Variants in IFT122 observed in about 807,000 individuals in gnomAD.
The protein encoded by IFT122 is intraflagellar transport protein 122 homolog.
In IFT122, 118 loss-of-function variants were observed where a neutral mutation model predicts 161.6. The observed-to-expected ratio is 0.73, with a 90% CI of 0.63 to 0.85. The LOEUF is 0.85. Ranked by LOEUF, IFT122 falls within the 40% of genes least tolerant of loss-of-function variation. IFT122 has a pLI of 0.00. For synonymous variants in IFT122, 550 were observed against 602.4 expected (o/e 0.91, Z 1.27); for missense variants, 1,381 against 1,579.6 (o/e 0.87, Z 2.13).
chr3:129,462,974 A>G (rs1430498877), intron 5 of IFT122: 1 of 153,764 alleles, frequency 6.5e-6, no homozygotes, highest in African/African-American at 2.4e-5. Context: ...TGCAGTGTCA[A>G]AGTTATAAAC....
At chr3:129,517,091 G>A (rs1364281871) in intron 26 of IFT122, among the ~76,000 whole-genome samples, 19 of 118,204 alleles carry the variant, frequency 1.6e-4, no homozygotes, top group Non-Finnish European at 2.9e-4. Flanking sequence ...CACAGAGACT[G>A]CCCCTGCACA....
chr3:129,471,839 T>A (rs2077399749), intron 9 of IFT122, among the ~76,000 whole-genome samples: 1 of 152,232 alleles, frequency 6.6e-6, no homozygotes, highest in South Asian at 2.1e-4. Flanking sequence ...TTAGTAATAC[T>A]TAAGGGGATC....
intron 9 of IFT122, among the ~76,000 whole-genome samples, chr3:129,471,307 T>C (rs2077346747): frequency 6.6e-6 from 1 of 152,248 alleles, no homozygotes; most frequent in Admixed American, 6.5e-5. Context: ...AGGGAGCAGA[T>C]AATGAAGTAT....
At chr3:129,503,888 T>C in intron 20 of IFT122, 2 of 276,756 alleles carry the variant, frequency 7.2e-6, no homozygotes, top group South Asian at 7.3e-5. Context: ...TGAGAAGCAG[T>C]CAGTGGGTCC....
At chr3:129,447,308 C>G (rs2074131042) in intron 1 of IFT122, among the ~76,000 whole-genome samples, 1 of 152,044 alleles carries the variant, frequency 6.6e-6, no homozygotes, top group African/African-American at 2.4e-5. Context: ...TGGTTTGATC[C>G]AGAAAGGCAG....
chr3:129,519,727 T>C lies in IFT122; in HGVS notation c.3631T>C (p.Phe1211Leu). The C allele has an allele frequency of 1.9e-6, 3 of 1,613,616 alleles. No individual in the cohort carries two copies. Among genetic ancestry groups the C allele is most frequent in the Non-Finnish European group, 2.5e-6 (3 of 1,180,026 alleles). The change falls in exon 29 of 30, where the codon TTC (phenylalanine) becomes CTC (leucine). Residue 1211 changes from phenylalanine (F) to leucine (L), a missense_variant. Phe to Leu is a conservative substitution (Grantham distance 22). This residue lies in a region of IFT122 where 177 missense variants were observed against 199.2 expected (regional missense o/e 0.89). Coordinates refer to ENST00000348417, the MANE Select transcript of IFT122 (RefSeq NM_052989.3). Reference sequence around the variant, plus strand: ...CTCCATTACCATGTGCCCCTCCTGCTTCCAGGTAGGTGGCCACCCTGGTAG... The same window carrying C: ...CTCCATTACCATGTGCCCCTCCTGCCTCCAGGTAGGTGGCCACCCTGGTAG... ...DASITMCPSC[F>L]QMFHSEDYEL...
intron 3 of IFT122, among the ~76,000 whole-genome samples, chr3:129,453,836 A>G (rs2075138309): frequency 6.7e-6 from 1 of 149,402 alleles, no homozygotes. Flanking sequence ...GTCCCACAGC[A>G]TAGGATTAGT....
At chr3:129,464,501 C>A in intron 6 of IFT122, 134 bp from the exon 7 acceptor site, 1 of 1,015,936 alleles carries the variant, frequency 9.8e-7, no homozygotes, top group Non-Finnish European at 1.6e-6. Flanking sequence ...TCAGGACCGG[C>A]AATAATGAAA....
At chr3:129,484,871 C>T (rs1209147169) in intron 15 of IFT122, among the ~76,000 whole-genome samples, 2 of 152,234 alleles carry the variant, frequency 1.3e-5, no homozygotes, top group East Asian at 1.9e-4. Context: ...TTTCCCCCAA[C>T]GGTAACAGTG....
At chr3:129,473,351 A>G (rs1165638422) in intron 9 of IFT122, among the ~76,000 whole-genome samples, 1 of 152,248 alleles carries the variant, frequency 6.6e-6, no homozygotes, top group Admixed American at 6.5e-5. Context: ...GTCATGGTTC[A>G]GTCTCCATTG....
Position 129,488,402 on chromosome 3 carries a change from G to A in IFT122, c.1992+5G>A. On this transcript the variant is annotated splice_donor_5th_base_variant and intron_variant, in intron 16 of 29. Transcript: ENST00000348417. Reference sequence around the variant, plus strand: ...GATTTTGAAACAGCAAAGAAGGTAAGCATCTAGCCAGCAGGAGCTGGAGTT... The same window carrying A: ...GATTTTGAAACAGCAAAGAAGGTAAACATCTAGCCAGCAGGAGCTGGAGTT... 3 of 1,614,136 alleles carry A rather than the reference G, an allele frequency of 1.9e-6. No individual in the cohort carries two copies. The highest frequency in any genetic ancestry group is 2.7e-5 in the African/African-American group (2 of 75,026).
At chr3:129,498,481 C>G (rs1324470634) in intron 18 of IFT122, among the ~76,000 whole-genome samples, 2 of 152,194 alleles carry the variant, frequency 1.3e-5, no homozygotes, top group African/African-American at 4.8e-5. Context: ...GCTTTCCAAG[C>G]CCCTTCCCTT....
chr3:129,443,244 C>G (rs1180978734), intron 1 of IFT122, among the ~76,000 whole-genome samples: 2 of 152,152 alleles, frequency 1.3e-5, no homozygotes, highest in Non-Finnish European at 2.9e-5. Context: ...TCAGATGATG[C>G]AGGAATTGGA....
At chr3:129,501,309 A>G (rs759560332) in intron 19 of IFT122, among the ~76,000 whole-genome samples, 2 of 152,122 alleles carry the variant, frequency 1.3e-5, no homozygotes, top group Admixed American at 6.5e-5. Context: ...TCTGGAAACA[A>G]CGTTGTGGTC....
intron 11 of IFT122, 61 bp downstream of exon 11, chr3:129,476,862 T>C (rs2078005873): frequency 3.4e-5 from 55 of 1,603,056 alleles, no homozygotes; most frequent in Non-Finnish European, 4.6e-5. Context: ...AAAGGGCTGG[T>C]GACAGGGCAC....
intron 15 of IFT122, chr3:129,487,937 A>G (rs568204500): frequency 9.3e-6 from 4 of 430,496 alleles, no homozygotes; most frequent in South Asian, 4.2e-5. Flanking sequence ...GGTATTTTCC[A>G]GAGGCAGAGT....
chr3:129,509,398 G>A (rs2082539686), intron 23 of IFT122, among the ~76,000 whole-genome samples: 1 of 152,158 alleles, frequency 6.6e-6, no homozygotes, highest in Non-Finnish European at 1.5e-5. Flanking sequence ...CGGCCACTAT[G>A]CTCCTCATCT....
chr3:129,516,069 G>C (rs1192749525), intron 26 of IFT122, among the ~76,000 whole-genome samples: 1 of 131,198 alleles, frequency 7.6e-6, no homozygotes, highest in East Asian at 2.3e-4. Flanking sequence ...CACACAGACT[G>C]TCCCTGAACA....
chr3:129,506,113 G>A (rs1368941798), intron 21 of IFT122, among the ~76,000 whole-genome samples: 1 of 152,146 alleles, frequency 6.6e-6, no homozygotes, highest in East Asian at 1.9e-4. Flanking sequence ...AGATGAGCAA[G>A]TTTCACTCTT....
Sources: gnomAD v4.1 joint callset for allele counts (sites outside exome capture counted in the v4.1 genomes callset) on GRCh38, gnomAD v4.1.1 for gene constraint, gnomAD v4.1.1 regional missense constraint, MANE v1.5 for transcripts, NCBI Gene and HGNC (gene_info 2026-07-23, HGNC 2026-07-21) for gene names.